The following TASP1 variants were observed in gnomAD, a reference collection of about 807,000 sequenced individuals.
TASP1 encodes taspase 1, also known as threonine aspartase 1.
TASP1 carries 16 observed loss-of-function variants against 56.6 expected under a neutral mutation model. The observed-to-expected ratio is 0.28, with a 90% CI of 0.19 to 0.43. TASP1 has a LOEUF of 0.43. Among genes scored for constraint, TASP1 ranks in the 20% least tolerant of loss-of-function variants. TASP1 has a pLI of 1.00. For synonymous variants in TASP1, 179 were observed against 184.2 expected, an observed-to-expected ratio of 0.97 and a Z score of 0.23; for missense variants, 393 against 511.6, an observed-to-expected ratio of 0.77 and a Z score of 2.24.
chr20:13,191,097 T>C, the TASP1 span, among the ~76,000 whole-genome samples: 1 of 152,092 alleles, frequency 6.6e-6, no homozygotes, highest in African/African-American at 2.4e-5. Flanking sequence ...AACAAATGCT[T>C]GCAAGGATAT....
intron 11 of TASP1, among the ~76,000 whole-genome samples, chr20:13,458,790 A>C (rs2043943397): frequency 6.6e-6 from 1 of 152,122 alleles, no homozygotes; most frequent in Non-Finnish European, 1.5e-5. Flanking sequence ...TCAGCGAAAA[A>C]ACAACTGATC....
rs141640246 is a variant in TASP1 at position 13,549,807 on chromosome 20, A to G, written c.675+9201T>C. Among the ~76,000 whole-genome samples the G allele has an allele frequency of 4.8e-3, 729 of 152,174 alleles. 4 individuals are homozygous for G. Among genetic ancestry groups the G allele is most frequent in the African/African-American group, 0.016 (654 of 41,550 alleles). The stretch of plus-strand genomic sequence containing the variant: ...ATGTTCCTTTTTTCCCTCTCCATTG[A>G]TTCCGTTAAATACTACAAATTTTAA... On this transcript the variant is annotated intron_variant, in intron 8 of 13. Transcript: ENST00000337743.
the TASP1 span, among the ~76,000 whole-genome samples, chr20:13,235,507 C>T: frequency 6.6e-6 from 1 of 152,166 alleles, no homozygotes; most frequent in East Asian, 1.9e-4. Context: ...AGAAGCTGCT[C>T]AGCCTGGCTG....
chr20:13,595,395 T>A (rs942246074), intron 4 of TASP1, among the ~76,000 whole-genome samples: 1 of 152,196 alleles, frequency 6.6e-6, no homozygotes, highest in Non-Finnish European at 1.5e-5. Flanking sequence ...TAAATGTAAA[T>A]GGGCTAAATG....
the TASP1 span, among the ~76,000 whole-genome samples, chr20:13,232,504 A>G: frequency 6.6e-6 from 1 of 152,172 alleles, no homozygotes; most frequent in Non-Finnish European, 1.5e-5. Flanking sequence ...TTAATATTCT[A>G]TTGTGTGGAT....
chr20:13,417,782 GTA>G (rs1181246671), intron 12 of TASP1, among the ~76,000 whole-genome samples: 3 of 151,834 alleles, frequency 2.0e-5, no homozygotes, highest in Admixed American at 6.6e-5. Flanking sequence ...TTTGACTCTT[GTA>G]ACATTAAATG....
At chr20:13,188,306 TA>T in the TASP1 span, among the ~76,000 whole-genome samples, 1 of 152,056 alleles carries the variant, frequency 6.6e-6, no homozygotes, top group African/African-American at 2.4e-5. Context: ...CACAGTCCAC[TA>T]AAAAATTCCT....
At chr20:13,426,335 T>C (rs1302023227) in intron 12 of TASP1, among the ~76,000 whole-genome samples, 1 of 152,210 alleles carries the variant, frequency 6.6e-6, no homozygotes, top group Non-Finnish European at 1.5e-5. Flanking sequence ...AAACTGACTA[T>C]AAAATTTCCT....
intron 4 of TASP1, among the ~76,000 whole-genome samples, chr20:13,610,519 T>C (rs188566421): frequency 4.1e-4 from 62 of 152,308 alleles, no homozygotes; most frequent in Non-Finnish European, 7.2e-4. Context: ...TTAAAATAAA[T>C]GTGTATAGTT....
intron 10 of TASP1, among the ~76,000 whole-genome samples, chr20:13,520,385 A>G (rs1256179469): frequency 1.3e-5 from 2 of 152,222 alleles, no homozygotes; most frequent in Non-Finnish European, 2.9e-5. Context: ...TTATAAGACT[A>G]CAGTAACCAA....
chr20:13,353,247 C>CAA, the TASP1 span, among the ~76,000 whole-genome samples: 6 of 111,136 alleles, frequency 5.4e-5, no homozygotes, highest in Middle Eastern at 5.9e-3. Flanking sequence ...GATTTTGTCT[C>CAA]AAAAAAAAAA....
the TASP1 span, among the ~76,000 whole-genome samples, chr20:13,278,246 C>G: frequency 6.6e-6 from 1 of 152,166 alleles, no homozygotes; most frequent in African/African-American, 2.4e-5. Context: ...CTTCCAGCCC[C>G]GTGACAGACT....
chr20:13,622,176 T>G (rs142513354), intron 4 of TASP1, among the ~76,000 whole-genome samples: 2 of 152,346 alleles, frequency 1.3e-5, no homozygotes, highest in East Asian at 3.9e-4. Flanking sequence ...TACCACACAC[T>G]GTTCTAAGAG....
chr20:13,511,145 G>A (rs1434266042), intron 10 of TASP1, among the ~76,000 whole-genome samples: 16 of 151,536 alleles, frequency 1.1e-4, no homozygotes, highest in Admixed American at 1.1e-3. Flanking sequence ...AGTCTGCTGG[G>A]GAGCTTCTAA....
chr20:13,476,189 T>A (rs927140836), intron 11 of TASP1, among the ~76,000 whole-genome samples: 1 of 152,196 alleles, frequency 6.6e-6, no homozygotes, highest in Non-Finnish European at 1.5e-5. Context: ...TCTGTTGACC[T>A]ACATGCTCTC....
At chr20:13,398,486 T>G (rs2123631318) in intron 13 of TASP1, among the ~76,000 whole-genome samples, 2 of 152,320 alleles carry the variant, frequency 1.3e-5, no homozygotes, top group South Asian at 4.1e-4. Flanking sequence ...ACAGAAAGGT[T>G]CAGACATCCT....
chr20:13,307,950 G>C, the TASP1 span, among the ~76,000 whole-genome samples: 264 of 152,320 alleles, frequency 1.7e-3, 4 homozygotes, highest in East Asian at 0.047. Flanking sequence ...AGTGGAATTA[G>C]AAGGTCATAG....
chr20:13,620,979 G>A (rs2048693667), intron 4 of TASP1, among the ~76,000 whole-genome samples: 1 of 152,160 alleles, frequency 6.6e-6, no homozygotes, highest in Non-Finnish European at 1.5e-5. Context: ...GGAAGTATAA[G>A]CATGATTTCC....
chr20:13,499,621 C>G (rs2043869743), intron 10 of TASP1, among the ~76,000 whole-genome samples: 1 of 152,018 alleles, frequency 6.6e-6, no homozygotes, highest in Non-Finnish European at 1.5e-5. Flanking sequence ...GTACCAAAGT[C>G]AAGAGTTGAG....
Sources: gnomAD v4.1 joint callset for allele counts (sites outside exome capture counted in the v4.1 genomes callset) on GRCh38, gnomAD v4.1.1 for gene constraint, MANE v1.5 for transcripts, NCBI Gene and HGNC (gene_info 2026-07-23, HGNC 2026-07-21) for gene names.